Variants in SPTLC1 observed in about 807,000 individuals in gnomAD.
SPTLC1 encodes the protein serine palmitoyltransferase 1.
In SPTLC1, 55 loss-of-function variants were observed where a neutral mutation model predicts 68.9. That is an observed-to-expected ratio of 0.80 (90% CI 0.64 to 1.00). The LOEUF (loss-of-function observed/expected upper bound fraction) is 1.00. Ranked by LOEUF, SPTLC1 falls within the 50% of genes least tolerant of loss-of-function variation. The probability of loss-of-function intolerance (pLI) is 0.00; values close to 1 mark genes in which losing one functional copy is unlikely to be tolerated. For synonymous variants in SPTLC1, 197 were observed against 201.6 expected, an observed-to-expected ratio of 0.98 and a Z score of 0.19; for missense variants, 449 against 573.1, an observed-to-expected ratio of 0.78 and a Z score of 2.21.
intron 5 of SPTLC1, among the ~76,000 whole-genome samples, chr9:92,077,541 C>T (rs1295619137): frequency 6.6e-6 from 1 of 152,062 alleles, no homozygotes; most frequent in Non-Finnish European, 1.5e-5. Flanking sequence ...CTCCTGAAGT[C>T]GCAAGTACTC....
chr9:92,045,574 T>A lies in SPTLC1; in HGVS notation c.1136+425A>T, dbSNP rs540852263. On this transcript the variant is annotated intron_variant, in intron 12 of 14. Coordinates refer to ENST00000262554, the MANE Select transcript of SPTLC1 (RefSeq NM_006415.4). ...AAAACACTGATAAAATTTCACTTGT[T>A]TCTTTTTCTTGTGTTAAAACTTAGT... 7.9e-5 allele frequency among the ~76,000 whole-genome samples: 12 copies of A among 151,098 alleles called. No individual in the cohort carries two copies. The South Asian group carries it at 2.5e-3, about 32-fold the overall frequency.
rs1330164061 is a variant in SPTLC1 at position 92,055,500 on chromosome 9, A to T, written c.691-6T>A. On this transcript the variant is annotated splice_polypyrimidine_tract_variant and splice_region_variant and intron_variant, in intron 7 of 14. Coordinates refer to ENST00000262554, the MANE Select transcript of SPTLC1 (RefSeq NM_006415.4). ...ACACGAGCCTTGCGAGGATTCTTTA[A>T]AAGAGAAAAAGCAGACATCTTACAT... 3 of 1,612,150 alleles carry T rather than the reference A, an allele frequency of 1.9e-6. No individual in the cohort carries two copies. The Admixed American group carries it at 5.0e-5, about 27-fold the overall frequency.
intron 12 of SPTLC1, among the ~76,000 whole-genome samples, chr9:92,044,671 C>T (rs1474994894): frequency 6.6e-6 from 1 of 152,110 alleles, no homozygotes. Flanking sequence ...GACAAAGTAG[C>T]AGGGACAAGC....
intron 3 of SPTLC1, among the ~76,000 whole-genome samples, chr9:92,084,467 T>C (rs2118705762): frequency 6.6e-6 from 1 of 152,384 alleles, no homozygotes; most frequent in East Asian, 1.9e-4. Flanking sequence ...TTGAATTTTG[T>C]CAAAGGCCTT....
intron 5 of SPTLC1, chr9:92,079,643 A>C: frequency 1.5e-6 from 2 of 1,346,536 alleles, no homozygotes; most frequent in Middle Eastern, 3.6e-4. Context: ...TTCTTCCTAG[A>C]GCTGTTTCTC....
chr9:92,104,472 C>A, intron 3 of SPTLC1: 1 of 1,409,124 alleles, frequency 7.1e-7, no homozygotes, highest in Non-Finnish European at 9.6e-7. Context: ...CACAGAGGGT[C>A]CTGCCTCCTG....
At chr9:92,074,156 G>A (rs1387452230) in intron 5 of SPTLC1, among the ~76,000 whole-genome samples, 1 of 152,118 alleles carries the variant, frequency 6.6e-6, no homozygotes, top group Non-Finnish European at 1.5e-5. Flanking sequence ...AACTCTTACA[G>A]TGGAGGGTAA....
intron 12 of SPTLC1, among the ~76,000 whole-genome samples, chr9:92,043,518 T>C (rs1412068675): frequency 6.6e-6 from 1 of 152,188 alleles, no homozygotes; most frequent in Non-Finnish European, 1.5e-5. Context: ...TCCACAGTTC[T>C]GTCCCTCTCA....
chr9:92,084,327 A>C (rs940497350), intron 3 of SPTLC1, among the ~76,000 whole-genome samples: 167 of 151,870 alleles, frequency 1.1e-3, no homozygotes, highest in African/African-American at 2.8e-3. Context: ...GCCAGTTTTC[A>C]AAGGGAATGC....
rs777170186 is a variant in SPTLC1 at position 92,034,830 on chromosome 9, CTCT to C, written c.1305_1307del (p.Glu436del). 9.9e-6 allele frequency: 16 copies of C among 1,614,030 alleles called. No individual in the cohort carries two copies. The highest frequency in any genetic ancestry group is 2.2e-5 in the South Asian group (2 of 91,084). On this transcript the variant is annotated inframe_deletion, in exon 14 of 15. Coordinates refer to ENST00000262554, the MANE Select transcript of SPTLC1 (RefSeq NM_006415.4). ...CTGACCTGGGAGGAGGGAGACACTTCTCTTCTTTCTCCAAGTAGCGCGCCTGAG... is the reference window on the plus strand; with the variant it reads ...CTGACCTGGGAGGAGGGAGACACTTCTCTTTCTCCAAGTAGCGCGCCTGAG...
chr9:92,033,938 C>T (rs1356258891), intron 14 of SPTLC1, among the ~76,000 whole-genome samples: 1 of 152,232 alleles, frequency 6.6e-6, no homozygotes, highest in Non-Finnish European at 1.5e-5. Context: ...AGCATTCAAA[C>T]TCCCCAGTGG....
At chr9:92,094,229 G>C (rs1835458578) in intron 3 of SPTLC1, among the ~76,000 whole-genome samples, 1 of 152,214 alleles carries the variant, frequency 6.6e-6, no homozygotes, top group Admixed American at 6.5e-5. Flanking sequence ...TAACAGACGG[G>C]TGATAGAGAA....
intron 12 of SPTLC1, among the ~76,000 whole-genome samples, chr9:92,043,270 C>T (rs1833411317): frequency 6.6e-6 from 1 of 152,174 alleles, no homozygotes; most frequent in African/African-American, 2.4e-5. Context: ...TAGGCTCTTC[C>T]AGCCTGCCTC....
chr9:92,096,980 A>G (rs1835549679), intron 3 of SPTLC1, among the ~76,000 whole-genome samples: 1 of 152,364 alleles, frequency 6.6e-6, no homozygotes, highest in South Asian at 2.1e-4. Flanking sequence ...TTTTAATGAT[A>G]GAAAGAACCC....
At chr9:92,098,739 AATCT>A (rs1442195916) in intron 3 of SPTLC1, among the ~76,000 whole-genome samples, 2 of 152,188 alleles carry the variant, frequency 1.3e-5, no homozygotes, top group African/African-American at 2.4e-5. Context: ...CCTTCTCTGA[AATCT>A]ATCTATAATC....
intron 8 of SPTLC1, among the ~76,000 whole-genome samples, chr9:92,050,728 A>C (rs1396974637): frequency 6.6e-6 from 1 of 152,004 alleles, no homozygotes; most frequent in Admixed American, 6.6e-5. Flanking sequence ...ACTTTATAGA[A>C]TATAAGTAGG....
intron 12 of SPTLC1, among the ~76,000 whole-genome samples, chr9:92,042,300 A>T (rs963370972): frequency 1.3e-5 from 2 of 152,238 alleles, no homozygotes; most frequent in Non-Finnish European, 2.9e-5. Flanking sequence ...ATGAACTAAG[A>T]CGCAAAAGCA....
chr9:92,036,623 A>G (rs745436991), intron 13 of SPTLC1, among the ~76,000 whole-genome samples: 12 of 152,224 alleles, frequency 7.9e-5, no homozygotes, highest in Non-Finnish European at 1.8e-4. Flanking sequence ...CTGTGAACAC[A>G]GCTCTCAGCT....
At chr9:92,034,529 A>T (rs1280102555) in intron 14 of SPTLC1, among the ~76,000 whole-genome samples, 2 of 152,142 alleles carry the variant, frequency 1.3e-5, no homozygotes, top group African/African-American at 4.8e-5. Context: ...GATGTGGCAG[A>T]TATGAGCTGA....
Sources: allele counts gnomAD v4.1 joint callset (sites outside exome capture counted in the v4.1 genomes callset), GRCh38; gene constraint gnomAD v4.1.1; transcripts MANE v1.5; gene names NCBI Gene and HGNC (gene_info 2026-07-23, HGNC 2026-07-21).